Variants in FGF13 observed in about 807,000 individuals in gnomAD.
FGF13 encodes the protein fibroblast growth factor 13, also known as fibroblast growth factor homologous factor 2.
FGF13 carries 2 observed loss-of-function variants against 19.5 expected under a neutral mutation model. That is an observed-to-expected ratio of 0.10 (90% CI 0.04 to 0.32). The LOEUF (loss-of-function observed/expected upper bound fraction) is 0.32, where lower values mean the gene tolerates loss of function less well. Ranked by LOEUF, FGF13 falls within the 10% of genes least tolerant of loss-of-function variation. The pLI is 1.00. For synonymous variants in FGF13, 72 were observed against 76.9 expected, an observed-to-expected ratio of 0.94 and a Z score of 0.33; for missense variants, 113 against 192.7, an observed-to-expected ratio of 0.59 and a Z score of 2.45.
chrX:138,980,174 A>T (rs995551012), intron 1 of FGF13, among the ~76,000 whole-genome samples: 1 of 111,631 alleles, frequency 9.0e-6, no homozygotes, highest in African/African-American at 3.3e-5. Flanking sequence ...GGATATAAGC[A>T]AAAAGAGAAA....
intron 1 of FGF13, among the ~76,000 whole-genome samples, chrX:138,911,275 T>C (rs1380814428): frequency 9.0e-6 from 1 of 111,661 alleles, no homozygotes; most frequent in Non-Finnish European, 1.9e-5. Flanking sequence ...TCAAATCCTG[T>C]GTGTTTTTCA....
intron 3 of FGF13, among the ~76,000 whole-genome samples, chrX:138,767,744 C>T (rs1569387993): frequency 8.9e-6 from 1 of 111,924 alleles, no homozygotes; most frequent in Non-Finnish European, 1.9e-5. Flanking sequence ...TTCATCCTGG[C>T]CAAGGAATTT....
chrX:138,655,697 C>A (rs928626596), intron 3 of FGF13, among the ~76,000 whole-genome samples: 1 of 110,915 alleles, frequency 9.0e-6, no homozygotes, highest in Admixed American at 9.6e-5. Context: ...AGTAATGATA[C>A]TGAATAATGA....
chrX:138,850,917 G>A (rs1746991544), intron 3 of FGF13, among the ~76,000 whole-genome samples: 1 of 111,673 alleles, frequency 9.0e-6, no homozygotes, highest in Non-Finnish European at 1.9e-5. Flanking sequence ...ATGCTCCGGT[G>A]TGTGTTGTTC....
In FGF13 at chrX:138,625,965, C is replaced by A. The variant is rs1187359151; in HGVS notation, c.*6885G>T. ...AGCAGGCAAAATACAGATTGTTCAA[C>A]AGACGAAAAGGAGGAATTAGTAGGG... On this transcript the variant is annotated 3_prime_UTR_variant, in exon 5 of 5. Coordinates refer to ENST00000315930, the MANE Select transcript of FGF13 (RefSeq NM_004114.5). 2 of 111,236 alleles carry A rather than the reference C, an allele frequency of 1.8e-5. No homozygotes were observed. Among genetic ancestry groups the A allele is most frequent in the African/African-American group, 3.3e-5 (1 of 30,577 alleles). 9.2% of individuals were successfully genotyped at this position (111,236 alleles called of 1,213,427 possible).
chrX:139,191,727 G>A (rs1253885171), intron 1 of FGF13, among the ~76,000 whole-genome samples: 2 of 111,129 alleles, frequency 1.8e-5, no homozygotes, highest in East Asian at 2.8e-4. Context: ...GCCAGATACA[G>A]GCAGAAAAAT....
At chrX:138,991,206 A>T (rs761588225) in intron 1 of FGF13, among the ~76,000 whole-genome samples, 6 of 112,342 alleles carry the variant, frequency 5.3e-5, no homozygotes, top group Non-Finnish European at 1.1e-4. Context: ...GAACCCTGGG[A>T]GAAATATTAT....
intron 3 of FGF13, among the ~76,000 whole-genome samples, chrX:138,637,957 T>C (rs1222836752): frequency 1.8e-5 from 2 of 111,702 alleles, no homozygotes; most frequent in Non-Finnish European, 3.8e-5. Context: ...GTAACTGGAA[T>C]CCACCATCCT....
chrX:138,914,775 T>A (rs2091610047), intron 1 of FGF13, among the ~76,000 whole-genome samples: 1 of 110,481 alleles, frequency 9.1e-6, no homozygotes, highest in Admixed American at 9.7e-5. Context: ...GAAAAGGAAG[T>A]AGTAGGAAAA....
chrX:138,954,845 A>G (rs1052141309), intron 1 of FGF13, among the ~76,000 whole-genome samples: 1 of 112,143 alleles, frequency 8.9e-6, no homozygotes, highest in Non-Finnish European at 1.9e-5. Context: ...GAGGACCACT[A>G]GCAACGTTTT....
intron 1 of FGF13, among the ~76,000 whole-genome samples, chrX:138,920,086 A>G (rs968802680): frequency 2.7e-5 from 3 of 111,439 alleles, no homozygotes; most frequent in Non-Finnish European, 5.7e-5. Flanking sequence ...GCCAAATGAC[A>G]TTTGTTTATC....
chrX:139,187,535 T>C (rs781163140), intron 1 of FGF13, among the ~76,000 whole-genome samples: 18 of 111,945 alleles, frequency 1.6e-4, no homozygotes, highest in African/African-American at 5.5e-4. Flanking sequence ...GACACATATA[T>C]GGATTTCTGA....
At chrX:139,156,176 T>C (rs2083975421) in intron 1 of FGF13, among the ~76,000 whole-genome samples, 1 of 112,444 alleles carries the variant, frequency 8.9e-6, no homozygotes, top group Non-Finnish European at 1.9e-5. Context: ...TCTTCTCCTG[T>C]GAGAGAAAAT....
At chrX:139,053,640 A>C (rs1267378815) in intron 1 of FGF13, among the ~76,000 whole-genome samples, 1 of 111,207 alleles carries the variant, frequency 9.0e-6, no homozygotes, top group East Asian at 2.8e-4. Context: ...TTCCTTGTAG[A>C]TTCTGGATAT....
intron 1 of FGF13, among the ~76,000 whole-genome samples, chrX:139,029,590 GTGTC>G (rs1192201607): frequency 3.6e-5 from 4 of 111,680 alleles, no homozygotes; most frequent in African/African-American, 1.3e-4. Flanking sequence ...CTAATAAAAT[GTGTC>G]TGTTTTTATC....
chrX:138,638,991 A>C (rs2124103081), intron 3 of FGF13, among the ~76,000 whole-genome samples: 1 of 111,728 alleles, frequency 9.0e-6, no homozygotes, highest in Non-Finnish European at 1.9e-5. Flanking sequence ...AGGGAGAAAA[A>C]TGAGGCCAAA....
At chrX:138,824,433 A>G (rs1331350701) in intron 3 of FGF13, among the ~76,000 whole-genome samples, 1 of 111,732 alleles carries the variant, frequency 8.9e-6, no homozygotes, top group Non-Finnish European at 1.9e-5. Flanking sequence ...TGTATCCTAA[A>G]TGCACTTGAC....
intron 1 of FGF13, among the ~76,000 whole-genome samples, chrX:138,726,435 T>C (rs2124281479): frequency 8.9e-6 from 1 of 112,498 alleles, no homozygotes; most frequent in Non-Finnish European, 1.9e-5. Flanking sequence ...AACTTTAGTG[T>C]CTACCTCCTA....
chrX:138,845,412 G>A (rs1425453900), intron 3 of FGF13, among the ~76,000 whole-genome samples: 1 of 111,842 alleles, frequency 8.9e-6, no homozygotes, highest in Non-Finnish European at 1.9e-5. Context: ...GCAAATGGCC[G>A]TTGAACACAG....
Sources: gnomAD v4.1 joint callset for allele counts (sites outside exome capture counted in the v4.1 genomes callset) on GRCh38, gnomAD v4.1.1 for gene constraint, MANE v1.5 for transcripts, NCBI Gene and HGNC (gene_info 2026-07-23, HGNC 2026-07-21) for gene names.